CFAP77: variants seen among roughly 807,000 people sequenced by gnomAD.
CFAP77 encodes the protein cilia and flagella associated protein 77, also known as cilia- and flagella-associated protein 77.
CFAP77 carries 25 observed loss-of-function variants against 31.1 expected under a neutral mutation model. The observed-to-expected ratio is 0.80, with a 90% CI of 0.59 to 1.12. CFAP77 has a LOEUF of 1.12. CFAP77 is among the 50% of genes most tolerant of loss of function. The pLI is 0.00. For synonymous variants in CFAP77, 151 were observed against 159.9 expected (o/e 0.94, Z 0.42); for missense variants, 377 against 397.3 (o/e 0.95, Z 0.44).
chr9:132,538,554 G>A (rs1852586284), intron 4 of CFAP77, among the ~76,000 whole-genome samples: 1 of 152,366 alleles, frequency 6.6e-6, no homozygotes, highest in Admixed American at 6.5e-5. Context: ...GGGAGGCCGA[G>A]GTGGGTGGAT....
At chr9:132,542,736 C>T (rs764913754) in intron 4 of CFAP77, among the ~76,000 whole-genome samples, 4 of 152,146 alleles carry the variant, frequency 2.6e-5, no homozygotes, top group Non-Finnish European at 4.4e-5. Context: ...TCCCACCCCC[C>T]CTCCCCCAGT....
intron 1 of CFAP77, among the ~76,000 whole-genome samples, chr9:132,446,370 C>T (rs1850716136): frequency 6.6e-6 from 1 of 151,978 alleles, no homozygotes; most frequent in Non-Finnish European, 1.5e-5. Context: ...ACCGAGAACA[C>T]CAGCTCGAAT....
chr9:132,458,358 G>T lies in CFAP77; in HGVS notation c.196-40337G>T, dbSNP rs935924863. Among the ~76,000 whole-genome samples, 6 of 75,338 alleles carry T rather than the reference G, an allele frequency of 8.0e-5. 1 individual carries two copies. The highest frequency in any genetic ancestry group is 3.5e-4 in the Admixed American group (3 of 8,574). 49.4% of individuals were successfully genotyped at this position (75,338 alleles called of 152,430 possible). On this transcript the variant is annotated intron_variant, in intron 1 of 5. Coordinates refer to ENST00000393216, the MANE Select transcript of CFAP77 (RefSeq NM_001282957.2). ...TCTCCCTGGCGGGGGAGGGGGGGGG[G>T]TGTGTATGGAAGGCTCAGCTCATCC...
In CFAP77 at chr9:132,564,942, C is replaced by A. The variant is rs189710308; in HGVS notation, c.733-7446C>A. Among the ~76,000 whole-genome samples the A allele has an allele frequency of 6.6e-6, 1 of 152,228 alleles. No homozygotes were observed. The highest frequency in any genetic ancestry group is 1.5e-5 in the Non-Finnish European group (1 of 68,010). On this transcript the variant is annotated intron_variant, in intron 5 of 5. Transcript: ENST00000393216. This position sits in a 1 kb window ranked among gnomAD's most constrained non-coding sequence, Gnocchi z 4.6. The stretch of plus-strand genomic sequence containing the variant: ...AGCTCTGCCCAGGACTCACGGGAGA[C>A]CTGGGAGGGTCACTTCTCACCTTCG...
At chr9:132,538,216 T>A (rs1020249223) in intron 4 of CFAP77, among the ~76,000 whole-genome samples, 2 of 152,200 alleles carry the variant, frequency 1.3e-5, no homozygotes, top group African/African-American at 4.8e-5. Context: ...GAAGCAGCAT[T>A]CCAAACACCT....
At chr9:132,540,672 G>A (rs1370824245) in intron 4 of CFAP77, among the ~76,000 whole-genome samples, 1 of 152,220 alleles carries the variant, frequency 6.6e-6, no homozygotes, top group African/African-American at 2.4e-5. Context: ...GGTGAAGAAG[G>A]GGATAGTTGT....
At chr9:132,540,083 A>C (rs1852614253) in intron 4 of CFAP77, among the ~76,000 whole-genome samples, 1 of 152,114 alleles carries the variant, frequency 6.6e-6, no homozygotes, top group African/African-American at 2.4e-5. Flanking sequence ...GGCGCCTGCC[A>C]CCAGGCCCAG....
At chr9:132,492,878 T>C (rs1218258573) in intron 1 of CFAP77, among the ~76,000 whole-genome samples, 1 of 152,132 alleles carries the variant, frequency 6.6e-6, no homozygotes, top group African/African-American at 2.4e-5. Context: ...TACTTGCACC[T>C]AAAGGGCTGG....
intron 1 of CFAP77, among the ~76,000 whole-genome samples, chr9:132,482,012 T>C (rs1851455623): frequency 6.7e-6 from 1 of 149,036 alleles, no homozygotes; most frequent in African/African-American, 2.5e-5. Flanking sequence ...TATTACATGA[T>C]GCGATTTTCA....
chr9:132,518,910 C>A (rs1589901860), intron 3 of CFAP77, among the ~76,000 whole-genome samples: 1 of 152,348 alleles, frequency 6.6e-6, no homozygotes, highest in African/African-American at 2.4e-5. Context: ...CACAGGCTTA[C>A]GATTCGAATG....
In CFAP77 at chr9:132,554,060, ACCC is replaced by A. The variant is rs1189971136; in HGVS notation, c.732+11014_732+11016del. The stretch of plus-strand genomic sequence containing the variant: ...ATGACCCCACGGGATGGGTAGTATG[ACCC>A]TTACTTTGCAGGTGAGAAACTGAGG... On this transcript the variant is annotated intron_variant, in intron 5 of 5. Coordinates refer to ENST00000393216, the MANE Select transcript of CFAP77 (RefSeq NM_001282957.2). The surrounding 1 kb of genome is among the most constrained non-coding windows in gnomAD (Gnocchi z 4.1). Among the ~76,000 whole-genome samples the A allele has an allele frequency of 2.6e-5, 4 of 152,166 alleles. No homozygotes were observed. The highest frequency in any genetic ancestry group is 5.9e-5 in the Non-Finnish European group (4 of 68,030).
chr9:132,502,605 T>A (rs1425539577), intron 3 of CFAP77, among the ~76,000 whole-genome samples: 1 of 152,230 alleles, frequency 6.6e-6, no homozygotes, highest in Non-Finnish European at 1.5e-5. Flanking sequence ...CTGGCTTATT[T>A]CATTTATGTA....
chr9:132,429,423 A>T (rs1363039179), intron 1 of CFAP77, among the ~76,000 whole-genome samples: 1 of 151,312 alleles, frequency 6.6e-6, no homozygotes, highest in East Asian at 2.0e-4. Flanking sequence ...CTGTAGTCCC[A>T]GCTACTTGGG....
At chr9:132,462,456 C>A (rs1451996157) in intron 1 of CFAP77, among the ~76,000 whole-genome samples, 1 of 152,098 alleles carries the variant, frequency 6.6e-6, no homozygotes, top group Non-Finnish European at 1.5e-5. Context: ...ACATAGATGT[C>A]CCATAAATGT....
At chr9:132,508,068 T>C (rs79876961) in intron 3 of CFAP77, among the ~76,000 whole-genome samples, 4,543 of 152,268 alleles carry the variant, frequency 0.03, 109 homozygotes, top group Non-Finnish European at 0.044. Flanking sequence ...GCCTGGCACA[T>C]AGTGAGCACT....
At chr9:132,447,123 G>A (rs1850737936) in intron 1 of CFAP77, among the ~76,000 whole-genome samples, 1 of 152,120 alleles carries the variant, frequency 6.6e-6, no homozygotes, top group Non-Finnish European at 1.5e-5. Flanking sequence ...CAAAGTCTTA[G>A]GGTAAAGCAG....
At chr9:132,506,487 C>T (rs1018296474) in intron 3 of CFAP77, among the ~76,000 whole-genome samples, 3 of 151,924 alleles carry the variant, frequency 2.0e-5, no homozygotes, top group Admixed American at 6.6e-5. Context: ...CAGCAGCTGG[C>T]GCTCCTGGTG....
At position 132,481,136 on chromosome 9, in the gene CFAP77, C is replaced by T. The variant is rs1851439506; in HGVS notation, c.196-17559C>T. Among the ~76,000 whole-genome samples the T allele has an allele frequency of 6.6e-6, 1 of 152,162 alleles. No individual in the cohort carries two copies. Among genetic ancestry groups the T allele is most frequent in the African/African-American group, 2.4e-5 (1 of 41,436 alleles). On this transcript the variant is annotated intron_variant, in intron 1 of 5. Coordinates refer to ENST00000393216, the MANE Select transcript of CFAP77 (RefSeq NM_001282957.2). This position sits in a 1 kb window ranked among gnomAD's most constrained non-coding sequence, Gnocchi z 5.0. Reference sequence around the variant, plus strand: ...CCCACAAAGCCACACTCGTGTCTGCCGGCCATGGATACGACAGAGCCTGGG... The same window carrying T: ...CCCACAAAGCCACACTCGTGTCTGCTGGCCATGGATACGACAGAGCCTGGG...
chr9:132,551,391 G>A (rs1418007311), intron 5 of CFAP77, among the ~76,000 whole-genome samples: 1 of 152,116 alleles, frequency 6.6e-6, no homozygotes, highest in Admixed American at 6.5e-5. Flanking sequence ...CACCTCCTGG[G>A]TTCAAGCAAT....
Sources: gnomAD v4.1 joint callset for allele counts (sites outside exome capture counted in the v4.1 genomes callset) on GRCh38, gnomAD v4.1.1 for gene constraint, Gnocchi (gnomAD v3.1) non-coding constraint, MANE v1.5 for transcripts, NCBI Gene and HGNC (gene_info 2026-07-23, HGNC 2026-07-21) for gene names.